FER: variants seen among roughly 807,000 people sequenced by gnomAD.
FER encodes tyrosine-protein kinase Fer.
FER carries 63 observed loss-of-function variants against 111.0 expected under a neutral mutation model. The ratio of observed to expected loss-of-function variants is 0.57; its 90% confidence interval spans 0.46 to 0.70. The LOEUF is 0.70. Among genes scored for constraint, FER ranks in the 30% least tolerant of loss-of-function variants. FER has a pLI of 0.00. For synonymous variants in FER, 327 were observed against 313.9 expected (o/e 1.04, Z -0.44); for missense variants, 914 against 954.0 (o/e 0.96, Z 0.55).
chr5:109,101,714 T>A (rs1449025227), intron 17 of FER, among the ~76,000 whole-genome samples: 1 of 152,148 alleles, frequency 6.6e-6, no homozygotes, highest in Non-Finnish European at 1.5e-5. Context: ...TTGAATCACA[T>A]GATAAGAATT....
intron 17 of FER, among the ~76,000 whole-genome samples, chr5:109,128,848 A>T (rs970739668): frequency 6.6e-6 from 1 of 152,108 alleles, no homozygotes; most frequent in African/African-American, 2.4e-5. Flanking sequence ...GTCTGGAAAA[A>T]TATGTCACAA....
At chr5:109,003,647 A>G (rs1561755925) in intron 13 of FER, among the ~76,000 whole-genome samples, 1 of 151,928 alleles carries the variant, frequency 6.6e-6, no homozygotes, top group African/African-American at 2.4e-5. Context: ...AAAAATAAAA[A>G]TATTTATCCC....
chr5:108,952,779 T>C (rs544587221), intron 11 of FER, among the ~76,000 whole-genome samples: 1 of 152,284 alleles, frequency 6.6e-6, no homozygotes, highest in Non-Finnish European at 1.5e-5. Context: ...TGTACTTTTT[T>C]CCACCTTAAT....
intron 10 of FER, among the ~76,000 whole-genome samples, chr5:108,916,804 T>G (rs961724573): frequency 2.0e-5 from 3 of 152,156 alleles, no homozygotes; most frequent in Non-Finnish European, 4.4e-5. Context: ...TCATGAAAAC[T>G]CTTACTGAGA....
At position 109,051,332 on chromosome 5, in the gene FER, G is replaced by A. The variant is rs1772771934; in HGVS notation, c.1924+4134G>A. 4 of 1,600,956 alleles carry A rather than the reference G, an allele frequency of 2.5e-6. No individual in the cohort carries two copies. In the South Asian group the frequency reaches 4.4e-5, roughly 18 times the overall value. On this transcript the variant is annotated intron_variant, in intron 16 of 19. Coordinates refer to ENST00000281092, the MANE Select transcript of FER (RefSeq NM_005246.4). ...TGTATCTAGATCTCCAGGTCATCAG[G>A]CTGAGGCCTGCTGCTGGCACGACTG...
At chr5:109,125,530 G>T (rs1217958978) in intron 17 of FER, among the ~76,000 whole-genome samples, 1 of 151,904 alleles carries the variant, frequency 6.6e-6, no homozygotes, top group Non-Finnish European at 1.5e-5. Flanking sequence ...TCTTTCCCTC[G>T]CCAAACTCAC....
At chr5:108,934,685 GGT>G (rs1334316143) in intron 10 of FER, among the ~76,000 whole-genome samples, 1 of 152,140 alleles carries the variant, frequency 6.6e-6, no homozygotes, top group Non-Finnish European at 1.5e-5. Flanking sequence ...CTGCACTGTA[GGT>G]GTGTGAATAG....
At chr5:108,801,884 C>T (rs928710416) in intron 3 of FER, among the ~76,000 whole-genome samples, 1 of 152,150 alleles carries the variant, frequency 6.6e-6, no homozygotes, top group African/African-American at 2.4e-5. Flanking sequence ...AACACAAGCA[C>T]TGCTATAGCA....
intron 10 of FER, among the ~76,000 whole-genome samples, chr5:108,943,720 CTGTTTGTTTGTTTTTATTTTT>C (rs1297079980): frequency 6.6e-6 from 1 of 151,488 alleles, no homozygotes; most frequent in East Asian, 1.9e-4. Flanking sequence ...TAGAGTTTTT[CTGTTTGTTTGTTTTTATTTTT>C]TGTTTGTTTT....
chr5:109,004,187 C>T (rs1031745239), intron 13 of FER, among the ~76,000 whole-genome samples: 24 of 152,234 alleles, frequency 1.6e-4, no homozygotes, highest in African/African-American at 5.1e-4. Context: ...TCTAAATGAC[C>T]ACTAGATACA....
At chr5:109,173,749 A>G (rs1393331086) in intron 17 of FER, among the ~76,000 whole-genome samples, 1 of 128,438 alleles carries the variant, frequency 7.8e-6, no homozygotes, top group Non-Finnish European at 1.6e-5. Context: ...GTGGTATAAT[A>G]TGTACCTCCC....
At chr5:109,099,197 ATAAAG>A (rs1317964616) in intron 16 of FER, among the ~76,000 whole-genome samples, 1 of 151,584 alleles carries the variant, frequency 6.6e-6, no homozygotes, top group Non-Finnish European at 1.5e-5. Context: ...GCAATAAACT[ATAAAG>A]TAACTAAAAA....
chr5:108,953,737 A>G (rs1305060585), intron 11 of FER, among the ~76,000 whole-genome samples: 1 of 152,080 alleles, frequency 6.6e-6, no homozygotes, highest in African/African-American at 2.4e-5. Context: ...TTCGTTTATT[A>G]TTAATTCTGA....
chr5:108,898,264 ATTTAGT>A (rs547299828), intron 10 of FER, among the ~76,000 whole-genome samples: 1 of 152,250 alleles, frequency 6.6e-6, no homozygotes, highest in South Asian at 2.1e-4. Context: ...CAAAATATTG[ATTTAGT>A]TTAAGAATTT....
intron 12 of FER, among the ~76,000 whole-genome samples, chr5:108,958,725 A>G (rs1420603562): frequency 6.6e-6 from 1 of 151,932 alleles, no homozygotes; most frequent in Admixed American, 6.6e-5. Context: ...CTAATACTGT[A>G]TCAGCAGATA....
At chr5:108,857,272 T>C (rs1402176147) in intron 5 of FER, among the ~76,000 whole-genome samples, 1 of 152,168 alleles carries the variant, frequency 6.6e-6, no homozygotes, top group Non-Finnish European at 1.5e-5. Context: ...TCACAAAACA[T>C]TGACATTTTT....
At chr5:109,139,194 A>G (rs542762428) in intron 17 of FER, among the ~76,000 whole-genome samples, 1 of 152,224 alleles carries the variant, frequency 6.6e-6, no homozygotes, top group Admixed American at 6.5e-5. Flanking sequence ...TAGGAGTCTC[A>G]GGTCTTTTCT....
chr5:108,820,986 C>A (rs1428916024), intron 3 of FER, among the ~76,000 whole-genome samples: 1 of 152,156 alleles, frequency 6.6e-6, no homozygotes, highest in Non-Finnish European at 1.5e-5. Context: ...GTGGCACATG[C>A]CTGTAATCCC....
At chr5:109,063,863 A>G (rs1774752324) in intron 16 of FER, among the ~76,000 whole-genome samples, 1 of 152,194 alleles carries the variant, frequency 6.6e-6, no homozygotes, top group South Asian at 2.1e-4. Flanking sequence ...ATTTGGGAGA[A>G]TGAGTACTTT....
Sources: gnomAD v4.1 joint callset for allele counts (sites outside exome capture counted in the v4.1 genomes callset) on GRCh38, gnomAD v4.1.1 for gene constraint, MANE v1.5 for transcripts, NCBI Gene and HGNC (gene_info 2026-07-23, HGNC 2026-07-21) for gene names.